The following ACOT7 variants were observed in gnomAD, a reference collection of about 807,000 sequenced individuals.
ACOT7 encodes the protein cytosolic acyl coenzyme A thioester hydrolase.
A neutral mutation model predicts 40.2 loss-of-function variants in ACOT7; 12 were observed. The ratio of observed to expected loss-of-function variants is 0.30; its 90% CI spans 0.19 to 0.48. ACOT7 has a LOEUF of 0.48. Among genes scored for constraint, ACOT7 ranks in the 20% least tolerant of loss-of-function variants. The pLI is 0.99. For missense variants in ACOT7, 395 were observed against 530.8 expected, an observed-to-expected ratio of 0.74 and a Z score of 2.51; for synonymous variants, 228 against 219.5, an observed-to-expected ratio of 1.04 and a Z score of -0.34.
intron 6 of ACOT7, among the ~76,000 whole-genome samples, chr1:6,316,081 C>T (rs1640485183): frequency 6.6e-6 from 1 of 152,144 alleles, no homozygotes; most frequent in Admixed American, 6.5e-5. Context: ...GACGGAAATG[C>T]CCCATTTAGT....
intron 1 of ACOT7, among the ~76,000 whole-genome samples, chr1:6,360,027 A>G (rs1641852921): frequency 6.6e-6 from 1 of 152,236 alleles, no homozygotes; most frequent in African/African-American, 2.4e-5. Flanking sequence ...CACTCTGGTA[A>G]AAGTTAAATA....
At chr1:6,353,142 G>A (rs1641641779) in intron 1 of ACOT7, among the ~76,000 whole-genome samples, 1 of 151,912 alleles carries the variant, frequency 6.6e-6, no homozygotes, top group African/African-American at 2.4e-5. Flanking sequence ...GATTACAGGT[G>A]TGAGCCACCG....
At chr1:6,335,068 C>T (rs1488884557) in intron 3 of ACOT7, among the ~76,000 whole-genome samples, 1 of 152,068 alleles carries the variant, frequency 6.6e-6, no homozygotes, top group Non-Finnish European at 1.5e-5. Flanking sequence ...CGGTGGCTCA[C>T]ACCTGTAATC....
chr1:6,370,433 G>A (rs1332123917), intron 1 of ACOT7, among the ~76,000 whole-genome samples: 3 of 150,746 alleles, frequency 2.0e-5, no homozygotes, highest in Non-Finnish European at 4.4e-5. Flanking sequence ...GGTTTATCAG[G>A]TCTATTGTCA....
At chr1:6,293,567 G>A (rs1639730590) in intron 7 of ACOT7, among the ~76,000 whole-genome samples, 1 of 152,208 alleles carries the variant, frequency 6.6e-6, no homozygotes, top group Non-Finnish European at 1.5e-5. Context: ...TGGTTGTGGT[G>A]GTGCATGTCT....
chr1:6,278,244 GGAGT>G lies in ACOT7; in HGVS notation c.1014+2854_1014+2857del, dbSNP rs1427035779. The stretch of plus-strand genomic sequence containing the variant: ...GCAGCAGGTGCACAGGCGCCGGGCA[GGAGT>G]GAGCTTGCTGCACCCACACCCAGGG... On this transcript the variant is annotated intron_variant, in intron 8 of 8. Transcript: ENST00000361521. The surrounding 1 kb of genome is among the most constrained non-coding windows in gnomAD (Gnocchi z 4.1). Among the ~76,000 whole-genome samples the G allele has an allele frequency of 6.6e-6, 1 of 152,192 alleles. No individual in the cohort carries two copies. The highest frequency in any genetic ancestry group is 1.5e-5 in the Non-Finnish European group (1 of 68,040).
At chr1:6,319,937 C>T (rs2148422770) in intron 5 of ACOT7, among the ~76,000 whole-genome samples, 1 of 152,310 alleles carries the variant, frequency 6.6e-6, no homozygotes, top group Non-Finnish European at 1.5e-5. Flanking sequence ...ACGCCTCCCA[C>T]TTGATGTCTC....
intron 1 of ACOT7, among the ~76,000 whole-genome samples, chr1:6,363,817 G>A (rs1344503987): frequency 6.6e-6 from 1 of 152,126 alleles, no homozygotes; most frequent in Non-Finnish European, 1.5e-5. Context: ...TGTCCCCCGG[G>A]CCCAGCTGTC....
chr1:6,377,735 CA>C (rs1409288942), intron 1 of ACOT7, among the ~76,000 whole-genome samples: 2 of 152,100 alleles, frequency 1.3e-5, no homozygotes, highest in Non-Finnish European at 2.9e-5. Flanking sequence ...AACACAGCAA[CA>C]AAACAGCAAA....
chr1:6,369,400 T>C (rs1335651795), intron 1 of ACOT7, among the ~76,000 whole-genome samples: 1 of 119,370 alleles, frequency 8.4e-6, no homozygotes, highest in South Asian at 2.9e-4. Context: ...ATGCATTTCT[T>C]TTTTTTTTTT....
rs1384672976 is a variant in ACOT7 at position 6,352,138 on chromosome 1, CA to C, written c.144-2273del. The C allele has an allele frequency of 6.5e-6, 1 of 152,780 alleles. No homozygotes were observed. Among genetic ancestry groups the C allele is most frequent in the Non-Finnish European group, 1.5e-5 (1 of 68,484 alleles). The allele number at this position is 152,780 out of a possible 1,614,324, so 9.5% of individuals were successfully genotyped here. On this transcript the variant is annotated intron_variant, in intron 1 of 8. Transcript: ENST00000361521. This position sits in a 1 kb window ranked among gnomAD's most constrained non-coding sequence, Gnocchi z 4.5. ...CAGCCCCTGCCCTCAAGGTCAGACA[CA>C]ACCCTCTCCCCTACAGGACCTGACT...
chr1:6,359,015 C>T lies in ACOT7; in HGVS notation c.144-9149G>A. 1.8e-6 allele frequency: 2 copies of T among 1,141,952 alleles called. No individual in the cohort carries two copies. Among genetic ancestry groups the T allele is most frequent in the South Asian group, 1.9e-5 (1 of 53,464 alleles). 70.7% of individuals were successfully genotyped at this position (1,141,952 alleles called of 1,614,324 possible). On this transcript the variant is annotated intron_variant, in intron 1 of 8. Coordinates refer to ENST00000361521, the MANE Select transcript of ACOT7 (RefSeq NM_007274.4). This position sits in a 1 kb window ranked among gnomAD's most constrained non-coding sequence, Gnocchi z 4.1. The stretch of plus-strand genomic sequence containing the variant: ...GCTGCCCAATCTGGCCAGGAAGAGG[C>T]TGCCTCGCCAATCCAGAGCGTCTAC...
chr1:6,299,035 T>C lies in ACOT7; in HGVS notation c.713-4055A>G, dbSNP rs998323458. The stretch of plus-strand genomic sequence containing the variant: ...CCCCATCGCCCATGCCTGGAGGGGC[T>C]TGAGTCCCTCTGTCCCCGTCTAGAG... On this transcript the variant is annotated intron_variant, in intron 6 of 8. Transcript: ENST00000361521. This position sits in a 1 kb window ranked among gnomAD's most constrained non-coding sequence, Gnocchi z 4.1. Among the ~76,000 whole-genome samples the C allele has an allele frequency of 3.9e-5, 6 of 152,194 alleles. No homozygotes were observed. The highest frequency in any genetic ancestry group is 1.2e-4 in the African/African-American group (5 of 41,446).
chr1:6,305,424 C>T (rs1338331290), intron 6 of ACOT7, among the ~76,000 whole-genome samples: 27 of 151,772 alleles, frequency 1.8e-4, no homozygotes, highest in Non-Finnish European at 5.9e-5. Context: ...CCCCACCTCC[C>T]TCCCGGACGG....
rs547880467 is a variant in ACOT7 at position 6,301,766 on chromosome 1, C to T, written c.713-6786G>A. 2.6e-5 allele frequency among the ~76,000 whole-genome samples: 4 copies of T among 152,270 alleles called. No individual in the cohort carries two copies. Among genetic ancestry groups the T allele is most frequent in the African/African-American group, 7.2e-5 (3 of 41,554 alleles). ...CAGATGAGGGCAGGAAAAGCTCATC[C>T]GGTCCCAGAAACCCCAAAGCCAGGT... On this transcript the variant is annotated intron_variant, in intron 6 of 8. Coordinates refer to ENST00000361521, the MANE Select transcript of ACOT7 (RefSeq NM_007274.4). This position sits in a 1 kb window ranked among gnomAD's most constrained non-coding sequence, Gnocchi z 4.1.
At chr1:6,266,316 G>A (rs896533787) in intron 8 of ACOT7, among the ~76,000 whole-genome samples, 2 of 152,242 alleles carry the variant, frequency 1.3e-5, no homozygotes, top group East Asian at 1.9e-4. Context: ...GGCACAGAGC[G>A]CAGCCCCTGC....
intron 6 of ACOT7, among the ~76,000 whole-genome samples, chr1:6,295,995 C>T (rs1447065102): frequency 6.6e-6 from 1 of 152,148 alleles, no homozygotes; most frequent in Non-Finnish European, 1.5e-5. Context: ...CCTCAACCTC[C>T]CCAGGCTCAG....
At chr1:6,273,986 CTCT>C (rs1373319208) in intron 8 of ACOT7, among the ~76,000 whole-genome samples, 3 of 152,246 alleles carry the variant, frequency 2.0e-5, no homozygotes, top group African/African-American at 7.2e-5. Flanking sequence ...GACCGGACCT[CTCT>C]TCTTGTCCTG....
intron 6 of ACOT7, among the ~76,000 whole-genome samples, chr1:6,298,324 G>A (rs1056709960): frequency 6.6e-6 from 1 of 152,000 alleles, no homozygotes; most frequent in Non-Finnish European, 1.5e-5. Flanking sequence ...TAGTGGAGTC[G>A]GGGTTTCACC....
Sources: gnomAD v4.1 joint callset for allele counts (sites outside exome capture counted in the v4.1 genomes callset) on GRCh38, gnomAD v4.1.1 for gene constraint, Gnocchi (gnomAD v3.1) non-coding constraint, MANE v1.5 for transcripts, NCBI Gene and HGNC (gene_info 2026-07-23, HGNC 2026-07-21) for gene names.